DOCK1: variants seen among roughly 807,000 people sequenced by gnomAD.
DOCK1 encodes dedicator of cytokinesis 1, also known as dedicator of cytokinesis protein 1.
In DOCK1, 138 loss-of-function variants were observed where a neutral mutation model predicts 262.7. The ratio of observed to expected loss-of-function variants is 0.53; its 90% confidence interval spans 0.46 to 0.61. The LOEUF is 0.61. Ranked by LOEUF, DOCK1 falls within the 20% of genes least tolerant of loss-of-function variation. DOCK1 has a pLI of 0.00. For synonymous variants in DOCK1, 866 were observed against 867.4 expected (o/e 1.00, Z 0.03); for missense variants, 1,908 against 2,370.7 (o/e 0.80, Z 4.05).
intron 1 of DOCK1, among the ~76,000 whole-genome samples, chr10:126,932,300 C>T (rs916045592): frequency 7.9e-5 from 12 of 152,164 alleles, no homozygotes; most frequent in African/African-American, 2.7e-4. Flanking sequence ...TCAGCTATGC[C>T]GAAGGCTGAG....
At chr10:127,426,157 T>C in intron 47 of DOCK1, 146 bp downstream of exon 47, 1 of 1,375,532 alleles carries the variant, frequency 7.3e-7, no homozygotes, top group Non-Finnish European at 9.9e-7. Flanking sequence ...CTCAGCCCCC[T>C]TGGGCAGTCT....
chr10:127,163,907 C>T (rs2053822546), intron 27 of DOCK1, among the ~76,000 whole-genome samples: 1 of 147,482 alleles, frequency 6.8e-6, no homozygotes, highest in Non-Finnish European at 1.5e-5. Context: ...GACAAATTAA[C>T]TTTTATTGGC....
intron 27 of DOCK1, among the ~76,000 whole-genome samples, chr10:127,159,380 C>T (rs945997689): frequency 1.3e-5 from 2 of 152,164 alleles, no homozygotes; most frequent in African/African-American, 2.4e-5. Flanking sequence ...TCTCTAGCTA[C>T]CTTATACCTT....
intron 28 of DOCK1, among the ~76,000 whole-genome samples, chr10:127,254,587 A>G (rs1438645085): frequency 6.6e-6 from 1 of 152,226 alleles, no homozygotes. Flanking sequence ...TTGTGAAAGT[A>G]TGTACCTCTT....
chr10:127,216,178 G>A (rs958361895), intron 27 of DOCK1, among the ~76,000 whole-genome samples: 2 of 151,994 alleles, frequency 1.3e-5, no homozygotes, highest in Admixed American at 6.6e-5. Context: ...AGTCTGCCAC[G>A]TCCTGGAGCT....
chr10:127,279,976 T>A (rs901396853), intron 29 of DOCK1, among the ~76,000 whole-genome samples: 69 of 148,964 alleles, frequency 4.6e-4, no homozygotes, highest in Non-Finnish European at 9.3e-4. Flanking sequence ...TTAATTTTTT[T>A]AAAGACATTT....
chr10:127,196,603 G>A (rs1186330083), intron 27 of DOCK1, among the ~76,000 whole-genome samples: 1 of 146,728 alleles, frequency 6.8e-6, no homozygotes, highest in Non-Finnish European at 1.5e-5. Flanking sequence ...GGCCCCGCGG[G>A]GCGGAGGTGG....
Position 127,399,756 on chromosome 10 carries a change from G to T in DOCK1, c.3928-3299G>T, listed in dbSNP as rs114965883. 5.5e-3 allele frequency among the ~76,000 whole-genome samples: 830 copies of T among 151,202 alleles called. 7 individuals carry two copies. The highest frequency in any genetic ancestry group is 0.019 in the African/African-American group (793 of 41,442). ...AAAATTTAAAAAAAAATAAGAAGAA[G>T]AATCCAGTGTAAGAGACCTACAAGG... On this transcript the variant is annotated intron_variant, in intron 38 of 51. Coordinates refer to ENST00000623213, the MANE Select transcript of DOCK1 (RefSeq NM_001290223.2).
chr10:127,246,555 CT>C (rs1156769383), intron 27 of DOCK1, among the ~76,000 whole-genome samples: 1 of 152,198 alleles, frequency 6.6e-6, no homozygotes, highest in African/African-American at 2.4e-5. Context: ...CATTATTTAG[CT>C]GTTTCCCTGA....
intron 38 of DOCK1, among the ~76,000 whole-genome samples, chr10:127,390,060 G>C (rs180955109): frequency 1.3e-5 from 2 of 151,232 alleles, no homozygotes; most frequent in Non-Finnish European, 2.9e-5. Context: ...TTCTGCTCTC[G>C]GTCCTGTGCC....
At chr10:127,240,707 C>A (rs2059234889) in intron 27 of DOCK1, among the ~76,000 whole-genome samples, 1 of 152,032 alleles carries the variant, frequency 6.6e-6, no homozygotes, top group African/African-American at 2.4e-5. Context: ...TCTTATACTC[C>A]CCGCCCCCTT....
chr10:127,127,990 T>C (rs1218255741), intron 27 of DOCK1: 2 of 337,102 alleles, frequency 5.9e-6, no homozygotes, highest in East Asian at 4.7e-5. Context: ...TACTTACTTA[T>C]AGCAAAAGAC....
chr10:126,957,844 T>G (rs931530507), intron 1 of DOCK1, among the ~76,000 whole-genome samples: 2 of 152,168 alleles, frequency 1.3e-5, no homozygotes, highest in Non-Finnish European at 2.9e-5. Flanking sequence ...AACAGGAGAA[T>G]GGATAGACAC....
chr10:127,071,046 T>G (rs1229635877), intron 23 of DOCK1, among the ~76,000 whole-genome samples: 1 of 152,110 alleles, frequency 6.6e-6, no homozygotes, highest in African/African-American at 2.4e-5. Flanking sequence ...ACACAGATGA[T>G]GACACACTTG....
chr10:126,975,806 C>G (rs553310153), intron 2 of DOCK1, among the ~76,000 whole-genome samples: 1 of 150,532 alleles, frequency 6.6e-6, no homozygotes, highest in Admixed American at 6.6e-5. Flanking sequence ...TTAGTAGAGA[C>G]GGGGTTTTGC....
intron 27 of DOCK1, among the ~76,000 whole-genome samples, chr10:127,154,329 A>C (rs765398454): frequency 3.7e-4 from 57 of 152,242 alleles, no homozygotes; most frequent in Non-Finnish European, 6.9e-4. Flanking sequence ...TGGGACTGGC[A>C]AAGTGCGGCC....
chr10:127,086,485 T>C (rs969199497), intron 23 of DOCK1, among the ~76,000 whole-genome samples: 4 of 152,202 alleles, frequency 2.6e-5, no homozygotes, highest in African/African-American at 9.7e-5. Flanking sequence ...AACTTGGCAT[T>C]TTCTTGCTGG....
At chr10:126,968,005 G>A (rs1024014347) in intron 1 of DOCK1, among the ~76,000 whole-genome samples, 5 of 151,916 alleles carry the variant, frequency 3.3e-5, no homozygotes, top group African/African-American at 9.7e-5. Context: ...TAGTAGAGAC[G>A]GGGTTTTGCC....
At chr10:127,055,906 G>A (rs920938763) in intron 22 of DOCK1, among the ~76,000 whole-genome samples, 6 of 152,150 alleles carry the variant, frequency 3.9e-5, no homozygotes, top group Admixed American at 2.6e-4. Context: ...CTGCATTCTG[G>A]TGCTCAACAG....
Sources: allele counts gnomAD v4.1 joint callset (sites outside exome capture counted in the v4.1 genomes callset), GRCh38; gene constraint gnomAD v4.1.1; transcripts MANE v1.5; gene names NCBI Gene and HGNC (gene_info 2026-07-23, HGNC 2026-07-21).